The following TMEM52 variants were observed in gnomAD, a reference collection of about 807,000 sequenced individuals.
TMEM52 encodes transmembrane protein 52.
Under a neutral mutation model 16.2 loss-of-function variants are expected in TMEM52, and 14 were observed. The ratio of observed to expected loss-of-function variants is 0.87; its 90% CI spans 0.57 to 1.35. The LOEUF is 1.35. TMEM52 is among the 40% of genes most tolerant of loss of function. The probability of loss-of-function intolerance (pLI) is 0.00; values close to 1 mark genes in which losing one functional copy is unlikely to be tolerated. For synonymous variants in TMEM52, 136 were observed against 124.7 expected (o/e 1.09, Z -0.60); for missense variants, 309 against 278.6 (o/e 1.11, Z -0.78).
intron 3 of TMEM52, 132 bp downstream of exon 3, chr1:1,918,761 C>T: frequency 1.8e-6 from 2 of 1,096,438 alleles, no homozygotes; most frequent in Non-Finnish European, 2.5e-6. Flanking sequence ...TGCTCCAGGT[C>T]AGTTCCCGCC....
rs1434730352 is a variant in TMEM52, at chr1:1,919,244, C to A, written c.22G>T (p.Ala8Ser). 1.5e-5 allele frequency: 21 copies of A among 1,364,992 alleles called. No individual in the cohort carries two copies. Among genetic ancestry groups the A allele is most frequent in the Non-Finnish European group, 2.0e-5 (21 of 1,067,414 alleles). 84.6% of individuals were successfully genotyped at this position (1,364,992 alleles called of 1,614,324 possible). A position where few individuals can be genotyped will look rare whatever the true frequency, so the allele number is the denominator to read the frequency against. Residue 8 changes from alanine to serine, a missense_variant, in exon 1 of 5, where the codon GCC becomes TCC. Coordinates refer to ENST00000310991, the MANE Select transcript of TMEM52 (RefSeq NM_178545.4). Reference sequence around the variant, plus strand: ...GGCAGCAGCAGCCGCAGTCCGCGGGCGGCCAGCGGCCCCCGGGCCATGCTC... The same window carrying A: ...GGCAGCAGCAGCCGCAGTCCGCGGGAGGCCAGCGGCCCCCGGGCCATGCTC... Reference protein sequence around the residue: MARGPLAARGLRLLLPLL... With the variant: MARGPLASRGLRLLLPLL...
In TMEM52 at chr1:1,918,426, A is replaced by T. The variant is rs1245181028; in HGVS notation, c.176T>A (p.Ile59Asn). ...RWSSLWHVGL[I>N]LLAVLLLLLC... ...CAGAAGCAGGAGGACCGCCAGCAGG[A>T]TGAGCCTAGGAGAGCAAGGCTCTAC... Residue 59 changes from isoleucine (I) to asparagine (N), a missense_variant, in exon 4 of 5, where the codon ATC becomes AAC. Physicochemically the swap from Ile to Asn is moderately radical, Grantham distance 149. Transcript: ENST00000310991. 5.0e-6 allele frequency: 8 copies of T among 1,611,892 alleles called. No individual in the cohort carries two copies. Among genetic ancestry groups the T allele is most frequent in the Non-Finnish European group, 6.8e-6 (8 of 1,179,542 alleles).
In TMEM52 at chr1:1,917,979, C is replaced by T. The variant is rs1202041047; in HGVS notation, c.533G>A (p.Ser178Asn). The T allele has an allele frequency of 3.1e-6, 5 of 1,613,934 alleles. No homozygotes were observed. The highest frequency in any genetic ancestry group is 2.2e-5 in the East Asian group (1 of 44,884). The change falls in exon 5 of 5, where the codon AGC (serine) becomes AAC (asparagine). Residue 178 changes from serine (S) to asparagine (N), a missense_variant. Transcript: ENST00000310991. Reference sequence around the variant, plus strand: ...TAGGCCCGAGGCCCCAAGGAGAGGGCTGGGTTTCTGGGAGAGTGCTGGTCC... The same window carrying T: ...TAGGCCCGAGGCCCCAAGGAGAGGGTTGGGTTTCTGGGAGAGTGCTGGTCC... Reference protein sequence around the residue: ...EEGPALSQKPSPLLGASGLET... With the variant: ...EEGPALSQKPNPLLGASGLET...
rs755012190 is a variant in TMEM52 at position 1,917,993 on chromosome 1, G to T, written c.519C>A (p.Leu173=). 1 of 1,613,984 alleles carries T rather than the reference G, an allele frequency of 6.2e-7. No homozygotes were observed. The highest frequency in any genetic ancestry group is 8.5e-7 in the Non-Finnish European group (1 of 1,180,020). Reference sequence around the variant, plus strand: ...CAAGGAGAGGGCTGGGTTTCTGGGAGAGTGCTGGTCCTTCCTCTCTGGGCT... The same window carrying T: ...CAAGGAGAGGGCTGGGTTTCTGGGATAGTGCTGGTCCTTCCTCTCTGGGCT... ...MAKPREEGPA[L]SQKPSPLLGA... Residue 173 remains leucine (L), a synonymous_variant, in exon 5 of 5, where the codon CTC becomes CTA. Transcript: ENST00000310991.
At chr1:1,918,559 C>A (rs968053443) in intron 3 of TMEM52, 128 bp from the exon 4 acceptor site, 1 of 908,058 alleles carries the variant, frequency 1.1e-6, no homozygotes, top group East Asian at 2.6e-5. Context: ...CTCTCCATGT[C>A]GGAGACCGCC....
rs762112941 is a variant in TMEM52, at chr1:1,919,163, A to G, written c.84+19T>C. 1 of 1,366,758 alleles carries G rather than the reference A, an allele frequency of 7.3e-7. No individual in the cohort carries two copies. Among genetic ancestry groups the G allele is most frequent in the Non-Finnish European group, 9.4e-7 (1 of 1,066,104 alleles). 84.7% of individuals were successfully genotyped at this position (1,366,758 alleles called of 1,614,324 possible). ...CGCCCCGCGGTGGCCGAACCGAGAG[A>G]GAACGCCGCCCGACCCACCTGCGGC... On this transcript the variant is annotated intron_variant, in intron 1 of 4. Coordinates refer to ENST00000310991, the MANE Select transcript of TMEM52 (RefSeq NM_178545.4).
At position 1,919,253 on chromosome 1, in the gene TMEM52, GC is replaced by G. The variant is rs1199642893; in HGVS notation, c.12del (p.Pro5ArgfsTer111). On this transcript the variant is annotated frameshift_variant, in exon 1 of 5. Coordinates refer to ENST00000310991, the MANE Select transcript of TMEM52 (RefSeq NM_178545.4). LOFTEE classifies it high-confidence loss of function. The part of the protein sequence containing the change: MAR[G>X]PLAARGLRLL... ...AGCCGCAGTCCGCGGGCGGCCAGCG[GC>G]CCCCGGGCCATGCTCTGAGGAGGTT... 9 of 1,366,640 alleles carry G rather than the reference GC, an allele frequency of 6.6e-6. No individual in the cohort carries two copies. The South Asian group carries it at 6.8e-5, about 10-fold the overall frequency. The allele number at this position is 1,366,640 out of a possible 1,614,324, so 84.7% of individuals were successfully genotyped here.
In TMEM52 at chr1:1,919,185, C is replaced by A. The variant is rs1175927974; in HGVS notation, c.81G>T (p.Pro27=). ...LLPLLPLLPL[P]QVALGFADGS... is the part of the protein sequence containing the mutation. The stretch of plus-strand genomic sequence containing the variant: ...GAGAGAACGCCGCCCGACCCACCTG[C>A]GGCAGCGGCAGGAGCGGCAGGAGCG... The change falls in exon 1 of 5, where the codon CCG becomes CCT. Residue 27 remains proline, a synonymous_variant. Transcript: ENST00000310991. 12 of 1,356,768 alleles carry A rather than the reference C, an allele frequency of 8.8e-6. No homozygotes were observed. Among genetic ancestry groups the A allele is most frequent in the Non-Finnish European group, 1.1e-5 (12 of 1,061,354 alleles). 84.0% of individuals were successfully genotyped at this position (1,356,768 alleles called of 1,614,324 possible).
Position 1,917,630 on chromosome 1 carries a change from C to T in TMEM52, c.*252G>A, listed in dbSNP as rs1163729108. On this transcript the variant is annotated 3_prime_UTR_variant, in exon 5 of 5. Coordinates refer to ENST00000310991, the MANE Select transcript of TMEM52 (RefSeq NM_178545.4). The stretch of plus-strand genomic sequence containing the variant: ...ACTTTATTCTCTCTCCAAGAAGATG[C>T]AGACGTCACAGGTGGCCCTGAGCTC... 8.6e-6 allele frequency: 5 copies of T among 580,778 alleles called. No individual in the cohort carries two copies. The East Asian group carries it at 1.1e-4, about 13-fold the overall frequency. The allele number at this position is 580,778 out of a possible 1,614,324, so 36.0% of individuals were successfully genotyped here. A position where few individuals can be genotyped will look rare whatever the true frequency, so the allele number is the denominator to read the frequency against.
In TMEM52 at chr1:1,919,183, T is replaced by C; in HGVS notation, c.83A>G (p.Gln28Arg). The C allele has an allele frequency of 1.5e-6, 2 of 1,361,742 alleles. No homozygotes were observed. Among genetic ancestry groups the C allele is most frequent in the South Asian group, 1.7e-5 (1 of 59,384 alleles). 84.4% of individuals were successfully genotyped at this position (1,361,742 alleles called of 1,614,324 possible). The change falls in exon 1 of 5, where the codon CAG becomes CGG. Residue 28 changes from glutamine (Q) to arginine (R), a missense_variant and splice_region_variant. Physicochemically the swap from Gln to Arg is conservative, Grantham distance 43 (BLOSUM62 1). Transcript: ENST00000310991. ...GAGAGAGAACGCCGCCCGACCCACC[T>C]GCGGCAGCGGCAGGAGCGGCAGGAG... ...LPLLPLLPLP[Q>R]VALGFADGSC... is the part of the protein sequence containing the mutation.
Position 1,918,330 on chromosome 1 carries a change from A to G in TMEM52, c.272T>C (p.Leu91Pro). The G allele has an allele frequency of 4.3e-6, 7 of 1,612,974 alleles. No homozygotes were observed. Among genetic ancestry groups the G allele is most frequent in the Non-Finnish European group, 5.9e-6 (7 of 1,180,010 alleles). The change falls in exon 4 of 5, where the codon CTG becomes CCG. Residue 91 changes from leucine to proline, a missense_variant. Physicochemically the swap from Leu to Pro is moderately conservative, Grantham distance 98. Transcript: ENST00000310991. ...LRKQAQAQPH[L>P]PPARQPCDVA... ...GTCGCAGGGCTGCCGTGCTGGTGGC[A>G]GATGTGGCTGGGCCTGTGCCTGCTT... is the stretch of plus-strand genomic sequence containing the variant.
rs776656415 is a variant in TMEM52, at chr1:1,918,310, A to T, written c.292T>A (p.Cys98Ser). 6.2e-7 allele frequency: 1 copy of T among 1,612,744 alleles called. No homozygotes were observed. The highest frequency in any genetic ancestry group is 8.5e-7 in the Non-Finnish European group (1 of 1,179,990). Residue 98 changes from cysteine to serine, a missense_variant, in exon 4 of 5, where the codon TGC becomes AGC. Transcript: ENST00000310991. ...QPHLPPARQP[C>S]DVAVIPMDSD... ...TCCATAGGGATGACTGCCACGTCGCAGGGCTGCCGTGCTGGTGGCAGATGT... is the reference window on the plus strand; with the variant it reads ...TCCATAGGGATGACTGCCACGTCGCTGGGCTGCCGTGCTGGTGGCAGATGT...
chr1:1,918,178 G>GT lies in TMEM52; in HGVS notation c.350-17dup. 1 of 1,609,764 alleles carries GT rather than the reference G, an allele frequency of 6.2e-7. No individual in the cohort carries two copies. The highest frequency in any genetic ancestry group is 8.5e-7 in the Non-Finnish European group (1 of 1,177,316). ...GAGCTGTAGGCTGCAGGGAACCAGA[G>GT]TGGGTTCGTGGAGGCGGGCTTGGCA... On this transcript the variant is annotated splice_polypyrimidine_tract_variant and intron_variant, in intron 4 of 4. Transcript: ENST00000310991.
chr1:1,918,436 G>A lies in TMEM52; in HGVS notation c.171-5C>T. 1 of 1,609,608 alleles carries A rather than the reference G, an allele frequency of 6.2e-7. No individual in the cohort carries two copies. Among genetic ancestry groups the A allele is most frequent in the Non-Finnish European group, 8.5e-7 (1 of 1,178,286 alleles). ...AGGACCGCCAGCAGGATGAGCCTAG[G>A]AGAGCAAGGCTCTACCACTGGACTG... On this transcript the variant is annotated splice_polypyrimidine_tract_variant and splice_region_variant and intron_variant, in intron 3 of 4. Coordinates refer to ENST00000310991, the MANE Select transcript of TMEM52 (RefSeq NM_178545.4).
chr1:1,919,020 C>G, intron 2 of TMEM52, 25 bp downstream of exon 2: 1 of 1,337,868 alleles, frequency 7.5e-7, no homozygotes, highest in Non-Finnish European at 9.5e-7. Flanking sequence ...GGGGCCAGGC[C>G]CCGGCTCCCT....
chr1:1,918,400 G>T lies in TMEM52; in HGVS notation c.202C>A (p.Leu68Met). The T allele has an allele frequency of 6.2e-7, 1 of 1,612,686 alleles. No individual in the cohort carries two copies. Residue 68 changes from leucine (L) to methionine (M), a missense_variant, in exon 4 of 5, where the codon CTG (leucine) becomes ATG (methionine). Leu to Met is a conservative substitution (Grantham distance 15). Coordinates refer to ENST00000310991, the MANE Select transcript of TMEM52 (RefSeq NM_178545.4). The stretch of plus-strand genomic sequence containing the variant: ...ACACAACCAGCTGTGACACCACACA[G>T]CAGAAGCAGGAGGACCGCCAGCAGG... Reference protein sequence around the residue: ...LILLAVLLLLLCGVTAGCVRF... With the variant: ...LILLAVLLLLMCGVTAGCVRF...
Position 1,917,627 on chromosome 1 carries a change from A to T in TMEM52, c.*255T>A. 1 of 582,216 alleles carries T rather than the reference A, an allele frequency of 1.7e-6. No homozygotes were observed. Among genetic ancestry groups the T allele is most frequent in the Non-Finnish European group, 3.1e-6 (1 of 327,818 alleles). The allele number at this position is 582,216 out of a possible 1,614,324, so 36.1% of individuals were successfully genotyped here. ...CAAACTTTATTCTCTCTCCAAGAAG[A>T]TGCAGACGTCACAGGTGGCCCTGAG... On this transcript the variant is annotated 3_prime_UTR_variant, in exon 5 of 5. Transcript: ENST00000310991.
chr1:1,917,641 G>A lies in TMEM52; in HGVS notation c.*241C>T. Reference sequence around the variant, plus strand: ...TCTCCAAGAAGATGCAGACGTCACAGGTGGCCCTGAGCTCCCACCCGAGGC... The same window carrying A: ...TCTCCAAGAAGATGCAGACGTCACAAGTGGCCCTGAGCTCCCACCCGAGGC... On this transcript the variant is annotated 3_prime_UTR_variant, in exon 5 of 5. Coordinates refer to ENST00000310991, the MANE Select transcript of TMEM52 (RefSeq NM_178545.4). 1 of 589,474 alleles carries A rather than the reference G, an allele frequency of 1.7e-6. No individual in the cohort carries two copies. The highest frequency in any genetic ancestry group is 3.0e-6 in the Non-Finnish European group (1 of 332,022). 36.5% of individuals were successfully genotyped at this position (589,474 alleles called of 1,614,324 possible). A position where few individuals can be genotyped will look rare whatever the true frequency, so the allele number is the denominator to read the frequency against.
chr1:1,917,982 G>C lies in TMEM52; in HGVS notation c.530C>G (p.Pro177Arg). The change falls in exon 5 of 5, where the codon CCC (proline) becomes CGC (arginine). Residue 177 changes from proline (P) to arginine (R), a missense_variant. Transcript: ENST00000310991. ...REEGPALSQK[P>R]SPLLGASGLE... Reference sequence around the variant, plus strand: ...GCCCGAGGCCCCAAGGAGAGGGCTGGGTTTCTGGGAGAGTGCTGGTCCTTC... The same window carrying C: ...GCCCGAGGCCCCAAGGAGAGGGCTGCGTTTCTGGGAGAGTGCTGGTCCTTC... 1 of 1,613,954 alleles carries C rather than the reference G, an allele frequency of 6.2e-7. No individual in the cohort carries two copies. The highest frequency in any genetic ancestry group is 8.5e-7 in the Non-Finnish European group (1 of 1,180,016).
Sources: allele counts gnomAD v4.1 joint callset, GRCh38; gene constraint gnomAD v4.1.1; transcripts MANE v1.5; gene names NCBI Gene and HGNC (gene_info 2026-07-23, HGNC 2026-07-21).